Variants in MCU observed in about 807,000 individuals in gnomAD.
The protein encoded by MCU is calcium uniporter protein, mitochondrial.
Under a neutral mutation model 45.2 loss-of-function variants are expected in MCU, and 12 were observed. That is an observed-to-expected ratio of 0.27 (90% confidence interval 0.17 to 0.43). The LOEUF (loss-of-function observed/expected upper bound fraction) is 0.43, where lower values mean the gene tolerates loss of function less well. MCU is among the 20% of genes least tolerant of loss of function. The pLI, the probability that MCU is intolerant of heterozygous loss-of-function variation, is 1.00. For synonymous variants in MCU, 160 were observed against 165.1 expected, an observed-to-expected ratio of 0.97 and a Z score of 0.24; for missense variants, 324 against 436.7, an observed-to-expected ratio of 0.74 and a Z score of 2.30.
At chr10:72,770,746 T>A (rs1423340741) in intron 1 of MCU, among the ~76,000 whole-genome samples, 1 of 152,138 alleles carries the variant, frequency 6.6e-6, no homozygotes, top group Non-Finnish European at 1.5e-5. Flanking sequence ...TTCTTTGTTC[T>A]GATAGCGTCA....
chr10:72,868,883 GT>G lies in MCU; in HGVS notation c.657+26del. The G allele has an allele frequency of 6.2e-7, 1 of 1,609,634 alleles. No individual in the cohort carries two copies. The highest frequency in any genetic ancestry group is 8.5e-7 in the Non-Finnish European group (1 of 1,178,594). ...GAAAAGGTAAAACTTCCAATCTCAGGTTTTTTACCTTAACCTGTATTTTTTC... is the reference window on the plus strand; with the variant it reads ...GAAAAGGTAAAACTTCCAATCTCAGGTTTTTACCTTAACCTGTATTTTTTC... On this transcript the variant is annotated intron_variant, in intron 5 of 7. Coordinates refer to ENST00000373053, the MANE Select transcript of MCU (RefSeq NM_138357.3).
intron 2 of MCU, among the ~76,000 whole-genome samples, chr10:72,855,287 C>T (rs114934801): frequency 0.011 from 1,703 of 151,918 alleles, 34 homozygotes; most frequent in African/African-American, 0.04. Flanking sequence ...AAGTCAATAG[C>T]AGAGATTAGC....
intron 1 of MCU, among the ~76,000 whole-genome samples, chr10:72,817,168 A>G (rs575492367): frequency 2.6e-5 from 4 of 152,260 alleles, no homozygotes; most frequent in South Asian, 4.2e-4. Flanking sequence ...CAAATACCCT[A>G]TATCTATGTA....
intron 1 of MCU, among the ~76,000 whole-genome samples, chr10:72,780,995 A>T (rs1843984581): frequency 6.6e-6 from 1 of 152,182 alleles, no homozygotes; most frequent in Admixed American, 6.5e-5. Flanking sequence ...TTAATATTTT[A>T]TTCATTTATT....
rs367804495 is a variant in MCU, at chr10:72,692,169, T to A, written c.18T>A (p.Gly6=). 9.3e-6 allele frequency: 12 copies of A among 1,289,058 alleles called. No individual in the cohort carries two copies. In the East Asian group the frequency reaches 2.0e-4, roughly 22 times the overall value. 79.9% of individuals were successfully genotyped at this position (1,289,058 alleles called of 1,614,324 possible). Residue 6 remains glycine, a synonymous_variant, in exon 1 of 8, where the codon GGT becomes GGA. Transcript: ENST00000373053. ...GTTGAGAGATGGCGGCCGCCGCAGG[T>A]AGATCGCTCCTGCTGCTCCTCTCCT... is the stretch of plus-strand genomic sequence containing the variant. MAAAA[G]RSLLLLLSSR...
intron 1 of MCU, among the ~76,000 whole-genome samples, chr10:72,724,535 T>TA (rs1391571049): frequency 6.6e-6 from 1 of 152,206 alleles, no homozygotes; most frequent in African/African-American, 2.4e-5. Context: ...TGTCACTTTT[T>TA]AACATTTTAA....
intron 1 of MCU, among the ~76,000 whole-genome samples, chr10:72,791,594 A>G (rs1228009668): frequency 6.6e-6 from 1 of 152,042 alleles, no homozygotes; most frequent in Non-Finnish European, 1.5e-5. Context: ...GCTTGTGTAG[A>G]TATAGGATAA....
chr10:72,774,108 A>G (rs1843853955), intron 1 of MCU, among the ~76,000 whole-genome samples: 1 of 152,232 alleles, frequency 6.6e-6, no homozygotes, highest in African/African-American at 2.4e-5. Flanking sequence ...CAAATACAGA[A>G]TACTCTTACT....
At chr10:72,813,597 C>T (rs6480644) in intron 1 of MCU, among the ~76,000 whole-genome samples, 107,000 of 151,364 alleles carry the variant, frequency 0.71, 39,157 homozygotes, top group African/African-American at 0.85. Context: ...TAGCTGGGAT[C>T]ACAGGCATGC....
intron 1 of MCU, among the ~76,000 whole-genome samples, chr10:72,733,365 CAG>C (rs1274488875): frequency 6.6e-6 from 1 of 152,046 alleles, no homozygotes; most frequent in Non-Finnish European, 1.5e-5. Context: ...ACTGAGGCAG[CAG>C]AGTCACTTGA....
intron 6 of MCU, among the ~76,000 whole-genome samples, chr10:72,882,200 G>A (rs1195565256): frequency 1.3e-5 from 2 of 152,138 alleles, no homozygotes; most frequent in Admixed American, 6.5e-5. Context: ...TGTCAGCTGA[G>A]GAGGAAGTAT....
At chr10:72,822,662 C>CTAAGATAGGTATAATCCAA in intron 1 of MCU, among the ~76,000 whole-genome samples, 1 of 152,228 alleles carries the variant, frequency 6.6e-6, no homozygotes, top group Non-Finnish European at 1.5e-5. Context: ...TTAACATCCA[C>CTAAGATAGGTATAATCCAA]TAAGATAGGT....
At chr10:72,697,106 ACTT>A (rs372148970) in intron 1 of MCU, among the ~76,000 whole-genome samples, 86 of 152,236 alleles carry the variant, frequency 5.6e-4, no homozygotes, top group Admixed American at 2.4e-3. Context: ...TTAAGAACAG[ACTT>A]CTTCTATTTA....
intron 1 of MCU, among the ~76,000 whole-genome samples, chr10:72,707,606 G>GGTGTGTGTGTGTGTGTGTGT (rs373225323): frequency 7.4e-6 from 1 of 134,958 alleles, no homozygotes; most frequent in African/African-American, 3.2e-5. Context: ...CGTGGTGAGT[G>GGTGTGTGTGTGTGTGTGTGT]GTGTGTGTGT....
intron 1 of MCU, among the ~76,000 whole-genome samples, chr10:72,699,833 C>G (rs563697291): frequency 6.6e-6 from 1 of 152,056 alleles, no homozygotes; most frequent in African/African-American, 2.4e-5. Context: ...CTCAGATGAT[C>G]TGCGTGTCTT....
intron 1 of MCU, among the ~76,000 whole-genome samples, chr10:72,732,666 A>G (rs1023182132): frequency 6.6e-6 from 1 of 152,216 alleles, no homozygotes; most frequent in Non-Finnish European, 1.5e-5. Flanking sequence ...CCTTAAGCAC[A>G]CTTCCTTATC....
intron 1 of MCU, among the ~76,000 whole-genome samples, chr10:72,801,680 T>C (rs1159604465): frequency 6.6e-6 from 1 of 151,452 alleles, no homozygotes; most frequent in Non-Finnish European, 1.5e-5. Flanking sequence ...TTTTCTTTTT[T>C]TTTTTTTTTA....
At chr10:72,798,007 AGAT>A (rs1844277577) in intron 1 of MCU, among the ~76,000 whole-genome samples, 1 of 152,138 alleles carries the variant, frequency 6.6e-6, no homozygotes, top group Non-Finnish European at 1.5e-5. Context: ...CATGAGCTTC[AGAT>A]TGACCAAAAA....
intron 2 of MCU, among the ~76,000 whole-genome samples, chr10:72,850,735 C>T (rs1041891043): frequency 6.6e-6 from 1 of 152,114 alleles, no homozygotes; most frequent in Non-Finnish European, 1.5e-5. Flanking sequence ...CATGTTCTAG[C>T]TCTAAGTATT....
Sources: allele counts gnomAD v4.1 joint callset (sites outside exome capture counted in the v4.1 genomes callset), GRCh38; gene constraint gnomAD v4.1.1; transcripts MANE v1.5; gene names NCBI Gene and HGNC (gene_info 2026-07-23, HGNC 2026-07-21).